Variants in PPP1R3B observed in about 807,000 individuals in gnomAD.
PPP1R3B encodes PP1 subunit R4.
Under a neutral mutation model 14.6 loss-of-function variants are expected in PPP1R3B, and 8 were observed. The ratio of observed to expected loss-of-function variants is 0.55; its 90% CI spans 0.32 to 0.99. The LOEUF is 0.99. Ranked by LOEUF, PPP1R3B falls within the 50% of genes least tolerant of loss-of-function variation. The pLI is 0.04. For missense variants in PPP1R3B, 452 were observed against 360.1 expected (o/e 1.26, Z -2.07); for synonymous variants, 169 against 142.0 (o/e 1.19, Z -1.35).
At chr8:9,145,163 G>A (rs192173831) in intron 1 of PPP1R3B, 1 of 151,952 alleles carries the variant, frequency 6.6e-6, no homozygotes, top group African/African-American at 2.4e-5. Context: ...TATATATAGA[G>A]AGAGAGAAGA....
intron 1 of PPP1R3B, among the ~76,000 whole-genome samples, chr8:9,146,886 T>C (rs1801256752): frequency 6.6e-6 from 1 of 152,140 alleles, no homozygotes; most frequent in East Asian, 1.9e-4. Flanking sequence ...TTACAAAATA[T>C]CTAAATTTTA....
chr8:9,141,906 A>C (rs1290380334), intron 1 of PPP1R3B: 3 of 416,772 alleles, frequency 7.2e-6, no homozygotes, highest in African/African-American at 5.9e-5. Flanking sequence ...AGGTTAAAAC[A>C]AACAAAAGAG....
At chr8:9,145,272 C>T (rs900304793) in intron 1 of PPP1R3B, 1 of 152,214 alleles carries the variant, frequency 6.6e-6, no homozygotes, top group Non-Finnish European at 1.5e-5. Flanking sequence ...CTCAGATTCT[C>T]TTCTGCCTCT....
At chr8:9,142,682 C>T (rs1158136899) in intron 1 of PPP1R3B, among the ~76,000 whole-genome samples, 5 of 152,144 alleles carry the variant, frequency 3.3e-5, no homozygotes, top group Admixed American at 3.3e-4. Context: ...CCTCTACCCT[C>T]ACTTTCTGGT....
chr8:9,140,921 G>A lies in PPP1R3B; in HGVS notation c.731C>T (p.Thr244Ile). The A allele has an allele frequency of 6.2e-7, 1 of 1,614,192 alleles. No individual in the cohort carries two copies. ...CAAATCCGGTCCACTGTGGGGCTTG[G>A]TCATTCCCTGGGTAGATTTTAACTC... ...RAELKSTQGMTKPHSGPDLGI... is the reference protein window; with the variant it reads ...RAELKSTQGMIKPHSGPDLGI... The change falls in exon 2 of 2, where the codon ACC (threonine) becomes ATC (isoleucine). Residue 244 changes from threonine (T) to isoleucine (I), a missense_variant. Coordinates refer to ENST00000310455, the MANE Select transcript of PPP1R3B (RefSeq NM_024607.4).
At position 9,140,307 on chromosome 8, in the gene PPP1R3B, G is replaced by C. The variant is rs1801029533; in HGVS notation, c.*487C>G. ...CGTCAGCTCAGTGTGTCACAGCAGAGATACACGTGGACGGGGAAGCACAGC... is the reference window on the plus strand; with the variant it reads ...CGTCAGCTCAGTGTGTCACAGCAGACATACACGTGGACGGGGAAGCACAGC... On this transcript the variant is annotated 3_prime_UTR_variant, in exon 2 of 2. Coordinates refer to ENST00000310455, the MANE Select transcript of PPP1R3B (RefSeq NM_024607.4). 1 of 176,416 alleles carries C rather than the reference G, an allele frequency of 5.7e-6. No individual in the cohort carries two copies. Among genetic ancestry groups the C allele is most frequent in the Non-Finnish European group, 1.2e-5 (1 of 80,290 alleles). The allele number at this position is 176,416 out of a possible 1,614,324, so 10.9% of individuals were successfully genotyped here. A position where few individuals can be genotyped will look rare whatever the true frequency, so the allele number is the denominator to read the frequency against.
chr8:9,151,009 G>A (rs1010345173), upstream of PPP1R3B, among the ~76,000 whole-genome samples: 2 of 152,108 alleles, frequency 1.3e-5, no homozygotes, highest in Non-Finnish European at 2.9e-5. Context: ...ACCCGGGGCT[G>A]GGAACTTGTG....
In PPP1R3B at chr8:9,140,851, A is replaced by G; in HGVS notation, c.801T>C (p.Gly267=). 6.2e-7 allele frequency: 1 copy of G among 1,614,090 alleles called. No homozygotes were observed. The highest frequency in any genetic ancestry group is 8.5e-7 in the Non-Finnish European group (1 of 1,180,008). The change falls in exon 2 of 2, where the codon GGT becomes GGC. Residue 267 remains glycine (G), a synonymous_variant. Transcript: ENST00000310455. The stretch of plus-strand genomic sequence containing the variant: ...AGTAACTTGGCCACTCTGGAAACAG[A>G]CCATAGGAACACCGAGGGCTTCCGA... ...DQFGSPRCSY[G]LFPEWPSYLG...
chr8:9,148,857 C>G (rs1801322357), intron 1 of PPP1R3B, among the ~76,000 whole-genome samples: 1 of 152,202 alleles, frequency 6.6e-6, no homozygotes, highest in African/African-American at 2.4e-5. Context: ...TTATCCCCTC[C>G]ATTCTCTTAT....
intron 1 of PPP1R3B, among the ~76,000 whole-genome samples, chr8:9,146,657 G>A (rs186212271): frequency 7.2e-5 from 11 of 152,244 alleles, no homozygotes; most frequent in Admixed American, 5.9e-4. Context: ...CAGAATGCAG[G>A]TGCTTAAACA....
intron 1 of PPP1R3B, among the ~76,000 whole-genome samples, chr8:9,148,927 C>A (rs1188795288): frequency 6.6e-6 from 1 of 152,166 alleles, no homozygotes; most frequent in Admixed American, 6.5e-5. Flanking sequence ...GTGGCTCACG[C>A]CTGTAATCCC....
Position 9,140,880 on chromosome 8 carries a change from G to C in PPP1R3B, c.772C>G (p.Gln258Glu). The change falls in exon 2 of 2, where the codon CAG becomes GAG. Residue 258 changes from glutamine (Q) to glutamate (E), a missense_variant. Transcript: ENST00000310455. ...TAGGAACACCGAGGGCTTCCGAACT[G>C]GTCAAAGGATATTCCCAAATCCGGT... ...SGPDLGISFD[Q>E]FGSPRCSYGL... The C allele has an allele frequency of 1.9e-6, 3 of 1,614,174 alleles. No individual in the cohort carries two copies. The highest frequency in any genetic ancestry group is 2.5e-6 in the Non-Finnish European group (3 of 1,180,042).
intron 1 of PPP1R3B, among the ~76,000 whole-genome samples, chr8:9,145,590 A>G (rs1246194707): frequency 6.6e-6 from 1 of 152,188 alleles, no homozygotes; most frequent in African/African-American, 2.4e-5. Flanking sequence ...CAAAAGTTAT[A>G]TGTGGATTTT....
chr8:9,136,798 G>A lies in PPP1R3B; in HGVS notation c.*3996C>T, dbSNP rs1800904807. The A allele has an allele frequency of 6.6e-6, 1 of 152,198 alleles. No homozygotes were observed. Among genetic ancestry groups the A allele is most frequent in the Non-Finnish European group, 1.5e-5 (1 of 68,042 alleles). The allele number at this position is 152,198 out of a possible 1,614,324, so 9.4% of individuals were successfully genotyped here. A position where few individuals can be genotyped will look rare whatever the true frequency, so the allele number is the denominator to read the frequency against. On this transcript the variant is annotated 3_prime_UTR_variant, in exon 2 of 2. Transcript: ENST00000310455. ...CGGGACTCTCCCAGGACTACATTCA[G>A]GTGAGAAATTTTAGAAGAGGAAACA...
chr8:9,144,837 C>CTTGAA (rs1801189170), intron 1 of PPP1R3B, among the ~76,000 whole-genome samples: 1 of 152,140 alleles, frequency 6.6e-6, no homozygotes, highest in African/African-American at 2.4e-5. Flanking sequence ...CCTCCACCTC[C>CTTGAA]CAGGTTCAAG....
intron 1 of PPP1R3B, among the ~76,000 whole-genome samples, chr8:9,148,389 G>GA (rs541364395): frequency 4.0e-5 from 6 of 151,052 alleles, no homozygotes; most frequent in East Asian, 1.9e-4. Context: ...GGCCAAGGGG[G>GA]AAAAAAAAAG....
At chr8:9,148,315 C>T (rs1801303126) in intron 1 of PPP1R3B, among the ~76,000 whole-genome samples, 1 of 152,228 alleles carries the variant, frequency 6.6e-6, no homozygotes, top group African/African-American at 2.4e-5. Flanking sequence ...CCTCTCCTGA[C>T]AGACTCTCTG....
At chr8:9,146,376 G>C (rs1801241231) in intron 1 of PPP1R3B, among the ~76,000 whole-genome samples, 1 of 152,130 alleles carries the variant, frequency 6.6e-6, no homozygotes, top group Non-Finnish European at 1.5e-5. Context: ...AAGCAGCCAT[G>C]GCCACCCCTG....
rs539288021 is a variant in PPP1R3B, at chr8:9,137,215, A to G, written c.*3579T>C. ...CCACTCAAATGCTTCATGTCTTCCA[A>G]TAGATACTGAAAGCTTATTTATTAA... On this transcript the variant is annotated 3_prime_UTR_variant, in exon 2 of 2. Transcript: ENST00000310455. 3 of 152,358 alleles carry G rather than the reference A, an allele frequency of 2.0e-5. No individual in the cohort carries two copies. In the South Asian group the frequency reaches 6.2e-4, roughly 32 times the overall value. 9.4% of individuals were successfully genotyped at this position (152,358 alleles called of 1,614,324 possible).
Sources: allele counts gnomAD v4.1 joint callset (sites outside exome capture counted in the v4.1 genomes callset), GRCh38; gene constraint gnomAD v4.1.1; transcripts MANE v1.5; gene names NCBI Gene and HGNC (gene_info 2026-07-23, HGNC 2026-07-21).